Variants in IFIH1 observed in about 807,000 individuals in gnomAD.
IFIH1 encodes interferon induced with helicase C domain 1.
A neutral mutation model predicts 107.4 loss-of-function variants in IFIH1; 125 were observed. That is an observed-to-expected ratio of 1.16 (90% CI 1.01 to 1.35). The LOEUF is 1.35. IFIH1 is among the 40% of genes most tolerant of loss of function. The pLI is 0.00. For synonymous variants in IFIH1, 458 were observed against 413.2 expected, an observed-to-expected ratio of 1.11 and a Z score of -1.31; for missense variants, 1,333 against 1,213.7, an observed-to-expected ratio of 1.10 and a Z score of -1.46.
intron 4 of IFIH1, among the ~76,000 whole-genome samples, chr2:162,292,775 T>C (rs909228638): frequency 8.6e-5 from 13 of 151,806 alleles, no homozygotes; most frequent in African/African-American, 3.1e-4. Context: ...GTGAAATACT[T>C]CAAACAGGTA....
chr2:162,267,402 A>C (rs1253569742), intron 15 of IFIH1, 23 bp from the exon 16 acceptor site: 1 of 1,613,848 alleles, frequency 6.2e-7, no homozygotes, highest in South Asian at 1.1e-5. Context: ...AGAGAGAGCA[A>C]GAGGAAAATT....
At chr2:162,306,494 T>C (rs1683282004) in intron 3 of IFIH1, among the ~76,000 whole-genome samples, 1 of 152,244 alleles carries the variant, frequency 6.6e-6, no homozygotes, top group African/African-American at 2.4e-5. Flanking sequence ...GATGCAATTG[T>C]GTTCATATTT....
At position 162,267,311 on chromosome 2, in the gene IFIH1, C is replaced by T. The variant is rs1435523817; in HGVS notation, c.2967G>A (p.Val989=). The T allele has an allele frequency of 1.9e-6, 3 of 1,612,180 alleles. No individual in the cohort carries two copies. Among genetic ancestry groups the T allele is most frequent in the Non-Finnish European group, 2.5e-6 (3 of 1,179,508 alleles). Residue 989 remains valine, a synonymous_variant, in exon 16 of 16, where the codon GTG becomes GTA. Transcript: ENST00000649979. ...TCTTTGTTGAATTATTTTTGAAAAC[C>T]ACTACAAAATTCCTTATTTTGAGAC... ...LPCLKIRNFV[V]VFKNNSTKKQ...
intron 4 of IFIH1, among the ~76,000 whole-genome samples, chr2:162,290,955 C>A (rs573897295): frequency 6.6e-6 from 1 of 151,844 alleles, no homozygotes; most frequent in African/African-American, 2.4e-5. Flanking sequence ...GAGAACTGGG[C>A]TGGTATCAAT....
chr2:162,269,514 A>G (rs529343412), intron 13 of IFIH1, among the ~76,000 whole-genome samples: 79 of 152,294 alleles, frequency 5.2e-4, no homozygotes, highest in Middle Eastern at 3.4e-3. Flanking sequence ...CTTATTTTAT[A>G]ATGGAAATAA....
rs1169761887 is a variant in IFIH1, at chr2:162,268,253, T to C, written c.2641A>G (p.Ile881Val). Residue 881 changes from isoleucine to valine, a missense_variant, in exon 14 of 16, where the codon ATA (isoleucine) becomes GTA (valine). By Grantham distance (29) the Ile-to-Val change is conservative. Transcript: ENST00000649979. ...TTGGTTTTCATTTTCTTTTCCATTA[T>C]ACTTTGCATCTGTAATTCCAAAATC... is the stretch of plus-strand genomic sequence containing the variant. ...HKILELQMQS[I>V]MEKKMKTKRN... 1 of 1,609,944 alleles carries C rather than the reference T, an allele frequency of 6.2e-7. No individual in the cohort carries two copies.
intron 10 of IFIH1, among the ~76,000 whole-genome samples, 165 bp from the exon 11 acceptor site, chr2:162,277,111 G>A (rs993391182): frequency 7.9e-5 from 12 of 152,072 alleles, no homozygotes; most frequent in African/African-American, 2.7e-4. Flanking sequence ...AACATACAAC[G>A]AATTACACTA....
chr2:162,314,480 CTTTCTT>C (rs1683450300), intron 1 of IFIH1, among the ~76,000 whole-genome samples: 2 of 119,960 alleles, frequency 1.7e-5, no homozygotes, highest in African/African-American at 3.9e-5. Context: ...TTCTTTCTTT[CTTTCTT>C]TTTCTTTCTC....
chr2:162,304,864 A>G (rs1407095602), intron 3 of IFIH1, among the ~76,000 whole-genome samples: 4 of 152,238 alleles, frequency 2.6e-5, no homozygotes, highest in Non-Finnish European at 4.4e-5. Context: ...GTAAATTGGT[A>G]CAAGTTCCTG....
At chr2:162,285,899 G>A (rs1320435088) in intron 5 of IFIH1, among the ~76,000 whole-genome samples, 2 of 151,972 alleles carry the variant, frequency 1.3e-5, no homozygotes, top group Non-Finnish European at 2.9e-5. Flanking sequence ...AATTAAGAAT[G>A]TTCTAGTTTA....
intron 8 of IFIH1, 138 bp downstream of exon 8, chr2:162,279,858 A>C (rs1262233298): frequency 1.5e-6 from 1 of 648,374 alleles, no homozygotes; most frequent in Non-Finnish European, 2.7e-6. Flanking sequence ...GCCTAACATC[A>C]ATTAAAAAAA....
chr2:162,292,533 C>G (rs1267994167), intron 4 of IFIH1, among the ~76,000 whole-genome samples: 1 of 151,748 alleles, frequency 6.6e-6, no homozygotes, highest in East Asian at 1.9e-4. Flanking sequence ...GGATTGATGA[C>G]AATCTTTCTA....
At chr2:162,280,946 G>A (rs778319585) in intron 7 of IFIH1, among the ~76,000 whole-genome samples, 1 of 151,952 alleles carries the variant, frequency 6.6e-6, no homozygotes, top group Admixed American at 6.6e-5. Flanking sequence ...CAGAAAATAC[G>A]CAGTTTTGAA....
intron 4 of IFIH1, 87 bp from the exon 5 acceptor site, chr2:162,288,442 G>C: frequency 1.1e-6 from 1 of 870,756 alleles, no homozygotes; most frequent in Non-Finnish European, 1.8e-6. Context: ...GGCCTCTTGT[G>C]CTTTAAACTC....
At chr2:162,294,079 T>C (rs1309564459) in intron 3 of IFIH1, among the ~76,000 whole-genome samples, 1 of 151,824 alleles carries the variant, frequency 6.6e-6, no homozygotes, top group Non-Finnish European at 1.5e-5. Flanking sequence ...ATTAATAAAG[T>C]ACAAAAATTA....
intron 3 of IFIH1, among the ~76,000 whole-genome samples, chr2:162,301,929 G>T (rs940198037): frequency 2.0e-5 from 3 of 151,936 alleles, no homozygotes; most frequent in African/African-American, 7.3e-5. Flanking sequence ...AAATTGTTTT[G>T]GTAATTTGGA....
intron 4 of IFIH1, among the ~76,000 whole-genome samples, chr2:162,291,974 G>T (rs1558870845): frequency 6.6e-6 from 1 of 151,778 alleles, no homozygotes. Context: ...AAATGTATTT[G>T]CTTTTCAAAA....
At chr2:162,280,295 A>C (rs931002679) in intron 7 of IFIH1, among the ~76,000 whole-genome samples, 183 bp from the exon 8 acceptor site, 3 of 152,026 alleles carry the variant, frequency 2.0e-5, no homozygotes, top group Admixed American at 6.6e-5. Flanking sequence ...ACATTGTTTT[A>C]TTATGGATCT....
chr2:162,316,689 G>A (rs1399223422), intron 1 of IFIH1, among the ~76,000 whole-genome samples: 3 of 152,178 alleles, frequency 2.0e-5, no homozygotes, highest in Non-Finnish European at 2.9e-5. Context: ...TCATAGAGTG[G>A]TGTAGACAAA....
Sources: gnomAD v4.1 joint callset for allele counts (sites outside exome capture counted in the v4.1 genomes callset) on GRCh38, gnomAD v4.1.1 for gene constraint, MANE v1.5 for transcripts, NCBI Gene and HGNC (gene_info 2026-07-23, HGNC 2026-07-21) for gene names.